The following CDH7 variants were observed in gnomAD, a reference collection of about 807,000 sequenced individuals.
CDH7 encodes the protein cadherin 7, also known as cadherin-7.
A neutral mutation model predicts 71.8 loss-of-function variants in CDH7; 25 were observed. That is an observed-to-expected ratio of 0.35 (90% confidence interval 0.25 to 0.49). The LOEUF (loss-of-function observed/expected upper bound fraction) is 0.49. Among genes scored for constraint, CDH7 ranks in the 20% least tolerant of loss-of-function variants. CDH7 has a pLI of 0.99. For missense variants in CDH7, 862 were observed against 974.6 expected (o/e 0.88, Z 1.54); for synonymous variants, 381 against 363.8 (o/e 1.05, Z -0.54).
intron 2 of CDH7, among the ~76,000 whole-genome samples, chr18:65,777,696 C>T (rs1910001145): frequency 6.6e-6 from 1 of 152,022 alleles, no homozygotes; most frequent in Admixed American, 6.6e-5. Flanking sequence ...TTACTACTCA[C>T]CAAATTATAA....
rs117617546 is a variant in CDH7 at position 65,839,776 on chromosome 18, A to C, written c.982-4036A>C. On this transcript the variant is annotated intron_variant, in intron 6 of 11. Coordinates refer to ENST00000397968, the MANE Select transcript of CDH7 (RefSeq NM_004361.5). ...CAATTTTTGAATCATCTGAGAAAGAAGGAGCAGCAGGTGATATATACTAGA... is the reference window on the plus strand; with the variant it reads ...CAATTTTTGAATCATCTGAGAAAGACGGAGCAGCAGGTGATATATACTAGA... 5.2e-3 allele frequency among the ~76,000 whole-genome samples: 792 copies of C among 152,316 alleles called. 3 individuals are homozygous for C. Among genetic ancestry groups the C allele is most frequent in the South Asian group, 8.9e-3 (43 of 4,828 alleles).
At chr18:65,815,901 C>A (rs546795727) in intron 4 of CDH7, among the ~76,000 whole-genome samples, 2 of 152,286 alleles carry the variant, frequency 1.3e-5, no homozygotes, top group East Asian at 3.9e-4. Flanking sequence ...TGACAAGTTT[C>A]TGACAATATG....
At chr18:65,865,957 G>A (rs963330387) in intron 11 of CDH7, 3 of 152,150 alleles carry the variant, frequency 2.0e-5, no homozygotes, top group Non-Finnish European at 2.9e-5. Context: ...AAAGCAAGGT[G>A]AGGAGGTGGA....
chr18:65,809,415 G>A (rs1392534265), intron 2 of CDH7, among the ~76,000 whole-genome samples: 1 of 152,128 alleles, frequency 6.6e-6, no homozygotes, highest in Non-Finnish European at 1.5e-5. Flanking sequence ...AACTGGCAAG[G>A]ACAGATCAAA....
At chr18:65,821,120 C>A (rs950989691) in intron 4 of CDH7, among the ~76,000 whole-genome samples, 4 of 26,566 alleles carry the variant, frequency 1.5e-4, no homozygotes, top group Admixed American at 1.1e-3. Flanking sequence ...CAAAAAATAA[C>A]AAACAAACAA....
chr18:65,856,279 T>C (rs1568222922), intron 7 of CDH7, among the ~76,000 whole-genome samples: 1 of 152,164 alleles, frequency 6.6e-6, no homozygotes, highest in Non-Finnish European at 1.5e-5. Context: ...AGATATATTA[T>C]TATTATGGTT....
At chr18:65,819,553 G>A (rs577890261) in intron 4 of CDH7, among the ~76,000 whole-genome samples, 1 of 152,216 alleles carries the variant, frequency 6.6e-6, no homozygotes, top group African/African-American at 2.4e-5. Context: ...TATCTTTAAT[G>A]TCTCATTGTA....
At chr18:65,866,021 C>CT (rs1913742197) in intron 11 of CDH7, 1 of 14,122 alleles carries the variant, frequency 7.1e-5, no homozygotes, top group African/African-American at 2.2e-4. Flanking sequence ...AACTATAGGC[C>CT]GGGCGCGGTG....
intron 10 of CDH7, among the ~76,000 whole-genome samples, chr18:65,862,108 G>C (rs1413230733): frequency 6.6e-6 from 1 of 152,018 alleles, no homozygotes; most frequent in African/African-American, 2.4e-5. Flanking sequence ...TATACACATA[G>C]AGTAGCTATA....
intron 2 of CDH7, among the ~76,000 whole-genome samples, chr18:65,795,029 C>T (rs1910859372): frequency 6.6e-6 from 1 of 151,858 alleles, no homozygotes; most frequent in Admixed American, 6.6e-5. Flanking sequence ...GAATAAAATT[C>T]AGGGTTGCAA....
rs569910447 is a variant in CDH7 at position 65,777,069 on chromosome 18, T to C, written c.210+14017T>C. ...CCAGGCTTTTAGGAGCTGCCGTTGC[T>C]AACAAATCAGTTTGGGTAGGCAGGT... On this transcript the variant is annotated intron_variant, in intron 2 of 11. Transcript: ENST00000397968. Among the ~76,000 whole-genome samples, 16 of 152,286 alleles carry C rather than the reference T, an allele frequency of 1.1e-4. 1 individual carries two copies. The East Asian group carries it at 1.7e-3, about 17-fold the overall frequency.
At chr18:65,808,735 A>G (rs17075227) in intron 2 of CDH7, among the ~76,000 whole-genome samples, 2,608 of 152,240 alleles carry the variant, frequency 0.017, 32 homozygotes, top group Admixed American at 0.026. Context: ...AAATGCAAAC[A>G]TAGTTCTTAA....
intron 2 of CDH7, among the ~76,000 whole-genome samples, chr18:65,799,290 G>A (rs1168163311): frequency 6.6e-6 from 1 of 151,990 alleles, no homozygotes; most frequent in African/African-American, 2.4e-5. Context: ...CAAGAGAATG[G>A]GGCAGACATA....
rs189815222 is a variant in CDH7 at position 65,852,094 on chromosome 18, T to C, written c.1236-5722T>C. On this transcript the variant is annotated intron_variant, in intron 7 of 11. Coordinates refer to ENST00000397968, the MANE Select transcript of CDH7 (RefSeq NM_004361.5). ...CAGAATTGGAGATGTGTGTGGTATATTTGTTCACCACTTAATACATCAGTT... is the reference window on the plus strand; with the variant it reads ...CAGAATTGGAGATGTGTGTGGTATACTTGTTCACCACTTAATACATCAGTT... Among the ~76,000 whole-genome samples, 474 of 152,276 alleles carry C rather than the reference T, an allele frequency of 3.1e-3. 2 individuals are homozygous for C. The highest frequency in any genetic ancestry group is 0.011 in the African/African-American group (438 of 41,562).
intron 1 of CDH7, among the ~76,000 whole-genome samples, chr18:65,753,411 A>G (rs79011879): frequency 0.019 from 2,840 of 152,282 alleles, 81 homozygotes; most frequent in African/African-American, 0.058. Context: ...AAGGTTTTAC[A>G]TTTATTGCAT....
At chr18:65,792,140 T>TCTAG (rs1419506570) in intron 2 of CDH7, among the ~76,000 whole-genome samples, 4 of 151,470 alleles carry the variant, frequency 2.6e-5, no homozygotes, top group Non-Finnish European at 5.9e-5. Context: ...TCTTAAAAGT[T>TCTAG]CTAGCTATAC....
rs895519363 is a variant in CDH7 at position 65,883,322 on chromosome 18, T to C, written c.*2428T>C. On this transcript the variant is annotated 3_prime_UTR_variant, in exon 12 of 12. Transcript: ENST00000397968. The stretch of plus-strand genomic sequence containing the variant: ...TTTATATGAAGTATTCTAAGCTTAA[T>C]TGTAATAGTAGTAAATTTTTTGCCG... 2 of 152,076 alleles carry C rather than the reference T, an allele frequency of 1.3e-5. No individual in the cohort carries two copies. Among genetic ancestry groups the C allele is most frequent in the African/African-American group, 4.8e-5 (2 of 41,528 alleles). 9.4% of individuals were successfully genotyped at this position (152,076 alleles called of 1,614,324 possible). A position where few individuals can be genotyped will look rare whatever the true frequency, so the allele number is the denominator to read the frequency against.
At chr18:65,855,551 A>G (rs975688232) in intron 7 of CDH7, among the ~76,000 whole-genome samples, 1 of 152,160 alleles carries the variant, frequency 6.6e-6, no homozygotes, top group African/African-American at 2.4e-5. Context: ...CTCACTCAAT[A>G]TGAAATAGAT....
chr18:65,778,351 T>A (rs952796182), intron 2 of CDH7, among the ~76,000 whole-genome samples: 3 of 148,524 alleles, frequency 2.0e-5, no homozygotes, highest in Non-Finnish European at 4.5e-5. Flanking sequence ...TCCTACAGAA[T>A]TGTAGAACAT....
Sources: gnomAD v4.1 joint callset for allele counts (sites outside exome capture counted in the v4.1 genomes callset) on GRCh38, gnomAD v4.1.1 for gene constraint, MANE v1.5 for transcripts, NCBI Gene and HGNC (gene_info 2026-07-23, HGNC 2026-07-21) for gene names.